The following MAGI2 variants were observed in gnomAD, a reference collection of about 807,000 sequenced individuals.
MAGI2 encodes membrane associated guanylate kinase, WW and PDZ domain containing 2, also known as membrane-associated guanylate kinase, WW and PDZ domain-containing protein 2.
A neutral mutation model predicts 133.3 loss-of-function variants in MAGI2; 35 were observed. That is an observed-to-expected ratio of 0.26 (90% CI 0.20 to 0.35). The LOEUF is 0.35. Among genes scored for constraint, MAGI2 ranks in the 10% least tolerant of loss-of-function variants. The pLI is 1.00. For synonymous variants in MAGI2, 729 were observed against 710.6 expected (o/e 1.03, Z -0.41); for missense variants, 1,636 against 1,863.4 (o/e 0.88, Z 2.25).
At chr7:78,896,513 A>ATCC (rs1797224718) in intron 2 of MAGI2, among the ~76,000 whole-genome samples, 1 of 149,068 alleles carries the variant, frequency 6.7e-6, no homozygotes, top group Non-Finnish European at 1.5e-5. Context: ...GAGGAAACCT[A>ATCC]TCCTCTAAAT....
intron 1 of MAGI2, among the ~76,000 whole-genome samples, chr7:79,013,532 T>C (rs1476739086): frequency 1.3e-5 from 2 of 152,148 alleles, no homozygotes; most frequent in East Asian, 3.9e-4. Context: ...AGTTCCTTTT[T>C]CAAAAATAGT....
intron 2 of MAGI2, among the ~76,000 whole-genome samples, chr7:78,645,757 G>A (rs1403853826): frequency 1.4e-5 from 2 of 143,926 alleles, no homozygotes; most frequent in South Asian, 2.2e-4. Flanking sequence ...TTTTTTCCCC[G>A]AGACATTGTC....
At position 78,035,746 on chromosome 7, in the gene MAGI2, G is replaced by GTT. The variant is rs397764424; in HGVS notation, c.3707-15772_3707-15771dup. ...TTTGACATCTAATCATGGCCTGAAT[G>GTT]TTTTTTTTTTTTTTACTTTATTGTA... is the stretch of plus-strand genomic sequence containing the variant. On this transcript the variant is annotated intron_variant, in intron 21 of 21. Transcript: ENST00000354212. Among the ~76,000 whole-genome samples, 545 of 140,974 alleles carry GTT rather than the reference G, an allele frequency of 3.9e-3. 1 individual carries two copies. The highest frequency in any genetic ancestry group is 5.9e-3 in the Non-Finnish European group (384 of 65,090). 92.5% of individuals were successfully genotyped at this position (140,974 alleles called of 152,430 possible). A position where few individuals can be genotyped will look rare whatever the true frequency, so the allele number is the denominator to read the frequency against.
chr7:78,532,945 TC>T (rs1207121330), intron 3 of MAGI2, among the ~76,000 whole-genome samples: 1 of 148,696 alleles, frequency 6.7e-6, no homozygotes, highest in Non-Finnish European at 1.5e-5. Context: ...ATCAACTAAT[TC>T]TTTTTTTTTT....
chr7:78,200,437 G>A (rs935118093), intron 11 of MAGI2, among the ~76,000 whole-genome samples: 9 of 152,098 alleles, frequency 5.9e-5, no homozygotes, highest in Non-Finnish European at 1.2e-4. Flanking sequence ...AGCATGTTTC[G>A]TAGGCCTATA....
intron 6 of MAGI2, among the ~76,000 whole-genome samples, chr7:78,487,969 C>T (rs1276926495): frequency 1.3e-5 from 2 of 151,902 alleles, no homozygotes; most frequent in East Asian, 3.9e-4. Context: ...ACACAGGTAA[C>T]AATATTACCT....
At chr7:79,215,692 T>C (rs1169674979) in intron 1 of MAGI2, among the ~76,000 whole-genome samples, 5 of 152,082 alleles carry the variant, frequency 3.3e-5, no homozygotes, top group South Asian at 2.1e-4. Flanking sequence ...ACTGAACCAA[T>C]GTACAGCTTA....
intron 2 of MAGI2, among the ~76,000 whole-genome samples, chr7:78,904,920 C>T (rs982835566): frequency 2.0e-5 from 3 of 150,130 alleles, no homozygotes; most frequent in African/African-American, 7.4e-5. Flanking sequence ...TTGCTTTTTT[C>T]CTATTTCTTC....
chr7:78,868,461 ACGTTATCATGT>A (rs1469493433), intron 2 of MAGI2, among the ~76,000 whole-genome samples: 1 of 152,216 alleles, frequency 6.6e-6, no homozygotes, highest in African/African-American at 2.4e-5. Context: ...TGTAACCATT[ACGTTATCATGT>A]CCCCCAAAGG....
intron 9 of MAGI2, among the ~76,000 whole-genome samples, chr7:78,330,203 C>T (rs1055488401): frequency 6.6e-6 from 1 of 152,046 alleles, no homozygotes; most frequent in African/African-American, 2.4e-5. Context: ...TTTGGTTAAA[C>T]TAGACTAAGA....
intron 6 of MAGI2, among the ~76,000 whole-genome samples, chr7:78,426,587 C>A (rs1279858855): frequency 6.6e-6 from 1 of 150,964 alleles, no homozygotes; most frequent in Non-Finnish European, 1.5e-5. Context: ...GCACATGTAC[C>A]CTAAAACTTA....
At chr7:79,229,332 A>G (rs1478971877) in intron 1 of MAGI2, among the ~76,000 whole-genome samples, 1 of 152,206 alleles carries the variant, frequency 6.6e-6, no homozygotes, top group Non-Finnish European at 1.5e-5. Context: ...GCTACAAAGA[A>G]CAGAAGTGAA....
intron 11 of MAGI2, among the ~76,000 whole-genome samples, chr7:78,200,568 T>C (rs1829150377): frequency 6.6e-6 from 1 of 152,174 alleles, no homozygotes; most frequent in African/African-American, 2.4e-5. Context: ...TACGTGTGTG[T>C]GTATGTGTGT....
At chr7:79,345,313 C>G (rs77476937) in intron 1 of MAGI2, among the ~76,000 whole-genome samples, 4,863 of 152,140 alleles carry the variant, frequency 0.032, 253 homozygotes, top group African/African-American at 0.11. Flanking sequence ...AGCTAAGGAG[C>G]ACCACAGATT....
chr7:78,851,492 A>G (rs1793135667), intron 2 of MAGI2, among the ~76,000 whole-genome samples: 1 of 152,124 alleles, frequency 6.6e-6, no homozygotes, highest in South Asian at 2.1e-4. Context: ...ATTTAAAAAG[A>G]TAACATTCCC....
At chr7:79,254,204 C>A (rs1348057213) in intron 1 of MAGI2, among the ~76,000 whole-genome samples, 1 of 151,976 alleles carries the variant, frequency 6.6e-6, no homozygotes, top group African/African-American at 2.4e-5. Context: ...ATTCTTTGAC[C>A]ATTTTTCTCT....
At chr7:78,105,346 C>T (rs1172868519) in intron 20 of MAGI2, among the ~76,000 whole-genome samples, 1 of 152,116 alleles carries the variant, frequency 6.6e-6, no homozygotes, top group African/African-American at 2.4e-5. Context: ...TACACATGTG[C>T]AAGATTTTCT....
At chr7:79,094,619 A>T (rs1007462171) in intron 1 of MAGI2, among the ~76,000 whole-genome samples, 1 of 152,212 alleles carries the variant, frequency 6.6e-6, no homozygotes, top group African/African-American at 2.4e-5. Flanking sequence ...GTATTTCTTA[A>T]ATAACAAGAT....
Position 79,376,232 on chromosome 7 carries a change from C to T in MAGI2, c.301+76788G>A, listed in dbSNP as rs141404551. 2.0e-3 allele frequency among the ~76,000 whole-genome samples: 298 copies of T among 151,758 alleles called. 1 individual carries two copies. Among genetic ancestry groups the T allele is most frequent in the African/African-American group, 6.8e-3 (280 of 41,418 alleles). ...GTTTTTTCCTATACATACATACCTA[C>T]GATAAAGTGTAGTCTGTAAATTAGG... On this transcript the variant is annotated intron_variant, in intron 1 of 21. Coordinates refer to ENST00000354212, the MANE Select transcript of MAGI2 (RefSeq NM_012301.4).
Sources: allele counts gnomAD v4.1 joint callset (sites outside exome capture counted in the v4.1 genomes callset), GRCh38; gene constraint gnomAD v4.1.1; transcripts MANE v1.5; gene names NCBI Gene and HGNC (gene_info 2026-07-23, HGNC 2026-07-21).